Variants in SPATA16 observed in about 807,000 individuals in gnomAD.
SPATA16 encodes spermatogenesis associated 16.
In SPATA16, 36 loss-of-function variants were observed where a neutral mutation model predicts 63.3. The observed-to-expected ratio is 0.57, with a 90% CI of 0.44 to 0.75. SPATA16 has a LOEUF of 0.75. Ranked by LOEUF, SPATA16 falls within the 30% of genes least tolerant of loss-of-function variation. The pLI is 0.00. For synonymous variants in SPATA16, 203 were observed against 216.7 expected (o/e 0.94, Z 0.56); for missense variants, 646 against 679.3 (o/e 0.95, Z 0.54).
chr3:173,127,474 G>A (rs534055991), intron 1 of SPATA16, among the ~76,000 whole-genome samples: 3 of 152,108 alleles, frequency 2.0e-5, no homozygotes, highest in Admixed American at 6.5e-5. Context: ...CCAAGATAAT[G>A]TATTGTGTCT....
Position 172,896,322 on chromosome 3 carries a change from G to A in SPATA16, c.1588-6630C>T, listed in dbSNP as rs189854291. On this transcript the variant is annotated intron_variant, in intron 10 of 10. Transcript: ENST00000351008. ...TGCAAGCTCCGCCTCCCGGGTTCAC[G>A]CCATTCTTCTGCCTCAGCCTCCCGA... 6.1e-3 allele frequency among the ~76,000 whole-genome samples: 926 copies of A among 152,276 alleles called. 11 individuals carry two copies. The highest frequency in any genetic ancestry group is 0.02 in the African/African-American group (836 of 41,572).
intron 3 of SPATA16, among the ~76,000 whole-genome samples, chr3:173,046,899 T>G (rs931105715): frequency 6.6e-6 from 1 of 152,026 alleles, no homozygotes; most frequent in Non-Finnish European, 1.5e-5. Context: ...TTGTACAAAT[T>G]GACTGTTTAA....
Position 173,049,104 on chromosome 3 carries a change from A to T in SPATA16, c.613-10T>A. The T allele has an allele frequency of 6.2e-7, 1 of 1,607,202 alleles. No individual in the cohort carries two copies. The highest frequency in any genetic ancestry group is 2.3e-5 in the East Asian group (1 of 44,410). On this transcript the variant is annotated splice_polypyrimidine_tract_variant and intron_variant, in intron 2 of 10. Coordinates refer to ENST00000351008, the MANE Select transcript of SPATA16 (RefSeq NM_031955.6). ...CTCCTTTGCTGCAAAGCTTTAAAAA[A>T]TATAGTACTTTCAACATCTTAATAA... is the stretch of plus-strand genomic sequence containing the variant.
At chr3:172,900,425 C>T (rs1732104357) in intron 10 of SPATA16, among the ~76,000 whole-genome samples, 2 of 152,146 alleles carry the variant, frequency 1.3e-5, no homozygotes, top group African/African-American at 4.8e-5. Context: ...ATCCACTCAA[C>T]TTCTTAAATT....
chr3:173,098,392 T>C (rs1737411126), intron 2 of SPATA16, among the ~76,000 whole-genome samples: 1 of 152,192 alleles, frequency 6.6e-6, no homozygotes, highest in Admixed American at 6.5e-5. Context: ...ATCTGGACAA[T>C]GTCATGCTGT....
intron 2 of SPATA16, among the ~76,000 whole-genome samples, chr3:173,052,189 C>A (rs1366658520): frequency 1.3e-5 from 2 of 152,068 alleles, no homozygotes; most frequent in East Asian, 3.9e-4. Context: ...TCATGGCAGG[C>A]AGGAGGAAGC....
At chr3:172,962,068 C>T (rs1733799259) in intron 5 of SPATA16, among the ~76,000 whole-genome samples, 1 of 151,934 alleles carries the variant, frequency 6.6e-6, no homozygotes, top group African/African-American at 2.4e-5. Flanking sequence ...GCATGGCCAA[C>T]ATGGTGAAAC....
intron 3 of SPATA16, among the ~76,000 whole-genome samples, chr3:173,029,606 G>A (rs1735554003): frequency 6.6e-6 from 1 of 151,820 alleles, no homozygotes; most frequent in Admixed American, 6.6e-5. Flanking sequence ...TTTTGCTCTA[G>A]GGGGAAACAG....
At chr3:173,087,983 A>G (rs934302020) in intron 2 of SPATA16, among the ~76,000 whole-genome samples, 16 of 149,610 alleles carry the variant, frequency 1.1e-4, no homozygotes, top group African/African-American at 4.9e-5. Flanking sequence ...ACCTTGGAGA[A>G]TCTGATGATT....
intron 3 of SPATA16, among the ~76,000 whole-genome samples, chr3:173,021,422 C>G (rs1735328486): frequency 6.6e-6 from 1 of 152,096 alleles, no homozygotes; most frequent in South Asian, 2.1e-4. Context: ...ATACATTAAT[C>G]CCTCAAGAAC....
intron 4 of SPATA16, among the ~76,000 whole-genome samples, chr3:173,015,850 G>A (rs568238106): frequency 6.2e-5 from 8 of 128,596 alleles, no homozygotes; most frequent in Middle Eastern, 3.8e-3. Context: ...CATGAAGGTA[G>A]TCCCAAATGG....
chr3:172,947,074 G>A (rs953925514), intron 6 of SPATA16, among the ~76,000 whole-genome samples: 1 of 152,150 alleles, frequency 6.6e-6, no homozygotes, highest in Non-Finnish European at 1.5e-5. Context: ...AATGCTCCTG[G>A]ATTTTACCCA....
intron 5 of SPATA16, among the ~76,000 whole-genome samples, chr3:172,960,921 CCTT>C (rs1733744266): frequency 6.8e-6 from 1 of 147,944 alleles, no homozygotes; most frequent in African/African-American, 2.5e-5. Flanking sequence ...TCCCTCCCTT[CCTT>C]CCTTCCTTCT....
At chr3:173,023,730 C>A (rs1345874449) in intron 3 of SPATA16, among the ~76,000 whole-genome samples, 1 of 151,360 alleles carries the variant, frequency 6.6e-6, no homozygotes, top group East Asian at 1.9e-4. Context: ...TTACTAATTA[C>A]TTGTAATATT....
chr3:173,113,282 T>C (rs1003109930), intron 2 of SPATA16, among the ~76,000 whole-genome samples: 1 of 152,234 alleles, frequency 6.6e-6, no homozygotes, highest in Admixed American at 6.5e-5. Flanking sequence ...TTTGTGTTTT[T>C]ATCTTCAGCT....
At chr3:173,021,158 G>GT (rs1735321807) in intron 3 of SPATA16, among the ~76,000 whole-genome samples, 1 of 152,138 alleles carries the variant, frequency 6.6e-6, no homozygotes. Flanking sequence ...TCATAGAATC[G>GT]TATGATGATG....
chr3:173,035,629 T>G (rs1307560953), intron 3 of SPATA16, among the ~76,000 whole-genome samples: 3 of 152,064 alleles, frequency 2.0e-5, no homozygotes, highest in African/African-American at 7.2e-5. Context: ...TGGAAACACT[T>G]TTAAAGAAGA....
intron 5 of SPATA16, 29 bp from the exon 6 acceptor site, chr3:172,956,853 A>C: frequency 6.2e-7 from 1 of 1,612,644 alleles, no homozygotes; most frequent in Non-Finnish European, 8.5e-7. Flanking sequence ...CCCATTTGGC[A>C]TCAATAACAA....
At chr3:173,105,790 TCCC>T in intron 2 of SPATA16, among the ~76,000 whole-genome samples, 2 of 120,916 alleles carry the variant, frequency 1.7e-5, no homozygotes, top group Non-Finnish European at 3.3e-5. Flanking sequence ...TCTTCATCCC[TCCC>T]TCTCTCCCTT....
Sources: gnomAD v4.1 joint callset for allele counts (sites outside exome capture counted in the v4.1 genomes callset) on GRCh38, gnomAD v4.1.1 for gene constraint, MANE v1.5 for transcripts, NCBI Gene and HGNC (gene_info 2026-07-23, HGNC 2026-07-21) for gene names.